The following TMEM170A variants were observed in gnomAD, a reference collection of about 807,000 sequenced individuals.
The protein encoded by TMEM170A is transmembrane protein 170A.
Under a neutral mutation model 12.8 loss-of-function variants are expected in TMEM170A, and 18 were observed. The observed-to-expected ratio is 1.41, with a 90% CI of 0.97 to 2.09. The LOEUF is 2.09. TMEM170A is among the 30% of genes most tolerant of loss of function. TMEM170A has a pLI of 0.00. For missense variants in TMEM170A, 220 were observed against 179.9 expected (o/e 1.22, Z -1.28); for synonymous variants, 107 against 76.2 (o/e 1.40, Z -2.11).
rs2079563390 is a variant in TMEM170A, at chr16:75,445,215, A to G, written c.*2343T>C. The G allele has an allele frequency of 6.6e-6, 1 of 152,232 alleles. No homozygotes were observed. Among genetic ancestry groups the G allele is most frequent in the South Asian group, 2.1e-4 (1 of 4,838 alleles). 9.4% of individuals were successfully genotyped at this position (152,232 alleles called of 1,614,324 possible). A position where few individuals can be genotyped will look rare whatever the true frequency, so the allele number is the denominator to read the frequency against. ...GTGAGAAAGATTTGAGCTTCTTGTT[A>G]GGGAATTTGTAAGAATATTTGGCTG... On this transcript the variant is annotated 3_prime_UTR_variant, in exon 3 of 3. Transcript: ENST00000561878.
chr16:75,457,636 G>A (rs2079823147), intron 1 of TMEM170A, among the ~76,000 whole-genome samples: 1 of 152,172 alleles, frequency 6.6e-6, no homozygotes, highest in South Asian at 2.1e-4. Context: ...AGACAAAAAT[G>A]TCACCCATCC....
chr16:75,460,848 G>A (rs978437836), intron 1 of TMEM170A, among the ~76,000 whole-genome samples: 5 of 152,142 alleles, frequency 3.3e-5, no homozygotes, highest in African/African-American at 1.2e-4. Flanking sequence ...CTTGATTCCT[G>A]CAAGGATGAC....
chr16:75,464,580 G>A lies in TMEM170A; in HGVS notation c.21C>T (p.Gly7=), dbSNP rs2079965631. The stretch of plus-strand genomic sequence containing the variant: ...GGAGCCCGGCCGACCCGCCGCTGCC[G>A]CCGCTCCCCTCGCGCTCCATCCCGT... MEREGS[G]GSGGSAGLLQ... is the part of the protein sequence containing the mutation. Residue 7 remains glycine, a synonymous_variant, in exon 1 of 3, where the codon GGC becomes GGT. Coordinates refer to ENST00000561878, the MANE Select transcript of TMEM170A (RefSeq NM_145254.3). 6.3e-7 allele frequency: 1 copy of A among 1,586,544 alleles called. No homozygotes were observed.
rs2079611991 is a variant in TMEM170A at position 75,447,680 on chromosome 16, T to C, written c.313A>G (p.Ile105Val). ...ITAGILTSAA[I>V]AGVYRAAGKE... Reference sequence around the variant, plus strand: ...CCTGCTGCTCGGTAAACTCCAGCAATAGCTGCACCTGATTTAAAATGCAAG... The same window carrying C: ...CCTGCTGCTCGGTAAACTCCAGCAACAGCTGCACCTGATTTAAAATGCAAG... Residue 105 changes from isoleucine to valine, a missense_variant, in exon 3 of 3, where the codon ATT (isoleucine) becomes GTT (valine). Physicochemically the swap from Ile to Val is conservative, Grantham distance 29. Transcript: ENST00000561878. 4.4e-6 allele frequency: 7 copies of C among 1,587,906 alleles called. No homozygotes were observed. The highest frequency in any genetic ancestry group is 6.0e-6 in the Non-Finnish European group (7 of 1,170,910).
rs750621490 is a variant in TMEM170A, at chr16:75,443,357, A to C, written c.*4201T>G. 6.6e-6 allele frequency: 1 copy of C among 152,242 alleles called. No individual in the cohort carries two copies. The highest frequency in any genetic ancestry group is 1.5e-5 in the Non-Finnish European group (1 of 68,046). 9.4% of individuals were successfully genotyped at this position (152,242 alleles called of 1,614,324 possible). The stretch of plus-strand genomic sequence containing the variant: ...AAGATTTGATCATTTTGACTGTAGC[A>C]GTTAGTGAAATAACATAATATAAAA... On this transcript the variant is annotated 3_prime_UTR_variant, in exon 3 of 3. Coordinates refer to ENST00000561878, the MANE Select transcript of TMEM170A (RefSeq NM_145254.3).
chr16:75,451,757 G>A lies in TMEM170A; in HGVS notation c.216C>T (p.Thr72=). ...HVPAGLLALF[T]LRHHKYGRFM... is the part of the protein sequence containing the mutation. Reference sequence around the variant, plus strand: ...ACCTACCATATTTGTGATGTCTGAGGGTGAAGAGGGCCAGTAATCCAGCAG... The same window carrying A: ...ACCTACCATATTTGTGATGTCTGAGAGTGAAGAGGGCCAGTAATCCAGCAG... Residue 72 remains threonine, a synonymous_variant, in exon 2 of 3, where the codon ACC becomes ACT. Transcript: ENST00000561878. 6.2e-7 allele frequency: 1 copy of A among 1,614,126 alleles called. No individual in the cohort carries two copies. The highest frequency in any genetic ancestry group is 8.5e-7 in the Non-Finnish European group (1 of 1,180,014).
chr16:75,458,411 T>C (rs1451983910), intron 1 of TMEM170A: 1 of 152,246 alleles, frequency 6.6e-6, no homozygotes, highest in Non-Finnish European at 1.5e-5. Flanking sequence ...AAGGAGATTG[T>C]CTTGGATTTT....
intron 1 of TMEM170A, among the ~76,000 whole-genome samples, chr16:75,459,143 C>T (rs2079854948): frequency 6.6e-6 from 1 of 152,220 alleles, no homozygotes; most frequent in South Asian, 2.1e-4. Context: ...ATCCACCCGC[C>T]TTGGCCTCCC....
chr16:75,447,343 A>G lies in TMEM170A; in HGVS notation c.*215T>C, dbSNP rs2079605041. ...AAATATCTACAAAAAAGAAAGCCAAAAGACTTGTTTTGGTTGAGAACAATA... is the reference window on the plus strand; with the variant it reads ...AAATATCTACAAAAAAGAAAGCCAAGAGACTTGTTTTGGTTGAGAACAATA... On this transcript the variant is annotated 3_prime_UTR_variant, in exon 3 of 3. Coordinates refer to ENST00000561878, the MANE Select transcript of TMEM170A (RefSeq NM_145254.3). 2.5e-6 allele frequency: 1 copy of G among 400,120 alleles called. No homozygotes were observed. Among genetic ancestry groups the G allele is most frequent in the Non-Finnish European group, 4.2e-6 (1 of 238,538 alleles). 24.8% of individuals were successfully genotyped at this position (400,120 alleles called of 1,614,324 possible). A position where few individuals can be genotyped will look rare whatever the true frequency, so the allele number is the denominator to read the frequency against.
In TMEM170A at chr16:75,461,110, G is replaced by A. The variant is rs556756064; in HGVS notation, c.133+3358C>T. ...GCTCTGTGGCCCAGGCTGGAGTGCA[G>A]TGGCATGATGTCAGCTCACTGCAAC... On this transcript the variant is annotated intron_variant, in intron 1 of 2. Coordinates refer to ENST00000561878, the MANE Select transcript of TMEM170A (RefSeq NM_145254.3). 2.0e-5 allele frequency among the ~76,000 whole-genome samples: 3 copies of A among 152,276 alleles called. No homozygotes were observed. The East Asian group carries it at 5.8e-4, about 29-fold the overall frequency.
chr16:75,459,366 T>A (rs916711305), intron 1 of TMEM170A, among the ~76,000 whole-genome samples: 24 of 152,192 alleles, frequency 1.6e-4, no homozygotes, highest in Non-Finnish European at 2.9e-5. Context: ...CAAGGCCTCA[T>A]GACCAACCTG....
At position 75,446,877 on chromosome 16, in the gene TMEM170A, T is replaced by C. The variant is rs1441733391; in HGVS notation, c.*681A>G. Reference sequence around the variant, plus strand: ...TTAGCTAGCTTATTTTGATAAAACATACAAAATAACAAATTCACATCTCTT... The same window carrying C: ...TTAGCTAGCTTATTTTGATAAAACACACAAAATAACAAATTCACATCTCTT... On this transcript the variant is annotated 3_prime_UTR_variant, in exon 3 of 3. Transcript: ENST00000561878. The C allele has an allele frequency of 6.6e-6, 1 of 152,088 alleles. No homozygotes were observed. The highest frequency in any genetic ancestry group is 1.5e-5 in the Non-Finnish European group (1 of 67,992). The allele number at this position is 152,088 out of a possible 1,614,324, so 9.4% of individuals were successfully genotyped here. A position where few individuals can be genotyped will look rare whatever the true frequency, so the allele number is the denominator to read the frequency against.
At chr16:75,452,575 T>A (rs2079709597) in intron 1 of TMEM170A, 1 of 152,028 alleles carries the variant, frequency 6.6e-6, no homozygotes, top group African/African-American at 2.4e-5. Flanking sequence ...CCTCCCAAAG[T>A]GCTAGGATAA....
chr16:75,460,631 A>G (rs2079886480), intron 1 of TMEM170A, among the ~76,000 whole-genome samples: 1 of 151,962 alleles, frequency 6.6e-6, no homozygotes, highest in Admixed American at 6.6e-5. Flanking sequence ...CCCCCACCAC[A>G]CAGGCCCTGC....
chr16:75,451,906 CTCA>C (rs1440052381), intron 1 of TMEM170A, 67 bp from the exon 2 acceptor site: 3 of 1,315,078 alleles, frequency 2.3e-6, no homozygotes, highest in African/African-American at 3.0e-5. Flanking sequence ...GCAGAGGGTA[CTCA>C]TCATACCCGT....
At chr16:75,458,901 TTTTC>T (rs1402332748) in intron 1 of TMEM170A, 3 of 152,138 alleles carry the variant, frequency 2.0e-5, no homozygotes, top group Non-Finnish European at 2.9e-5. Flanking sequence ...ATATCTTTTT[TTTTC>T]TTTTTTTTGA....
At chr16:75,451,577 T>G in intron 2 of TMEM170A, 92 bp downstream of exon 2, 2 of 1,397,212 alleles carry the variant, frequency 1.4e-6, no homozygotes, top group Non-Finnish European at 2.0e-6. Context: ...CACTCTTTCC[T>G]TCATCCTACT....
intron 1 of TMEM170A, among the ~76,000 whole-genome samples, chr16:75,452,450 A>C (rs996189569): frequency 2.1e-5 from 3 of 146,090 alleles, no homozygotes; most frequent in Non-Finnish European, 4.5e-5. Context: ...TTTTTTTTTA[A>C]TTTTCTTTTT....
At chr16:75,457,577 T>C (rs776673099) in intron 1 of TMEM170A, among the ~76,000 whole-genome samples, 11 of 152,274 alleles carry the variant, frequency 7.2e-5, no homozygotes, top group South Asian at 2.1e-4. Context: ...ATAATGTCTG[T>C]TATTTAAGAC....
Sources: gnomAD v4.1 joint callset for allele counts (sites outside exome capture counted in the v4.1 genomes callset) on GRCh38, gnomAD v4.1.1 for gene constraint, MANE v1.5 for transcripts, NCBI Gene and HGNC (gene_info 2026-07-23, HGNC 2026-07-21) for gene names.